SNX29: variants seen among roughly 807,000 people sequenced by gnomAD.
SNX29 encodes sorting nexin 29, also known as sorting nexin-29.
SNX29 carries 78 observed loss-of-function variants against 102.1 expected under a neutral mutation model. The observed-to-expected ratio is 0.76, with a 90% CI of 0.64 to 0.92. The LOEUF (loss-of-function observed/expected upper bound fraction) is 0.92. Ranked by LOEUF, SNX29 falls within the 40% of genes least tolerant of loss-of-function variation. SNX29 has a pLI of 0.00. For missense variants in SNX29, 1,280 were observed against 1,061.7 expected, an observed-to-expected ratio of 1.21 and a Z score of -2.86; for synonymous variants, 580 against 414.5, an observed-to-expected ratio of 1.40 and a Z score of -4.85.
intron 20 of SNX29, among the ~76,000 whole-genome samples, chr16:12,536,900 C>CG (rs2077101097): frequency 6.6e-6 from 1 of 152,038 alleles, no homozygotes; most frequent in African/African-American, 2.4e-5. Context: ...CGCTTGAGCC[C>CG]GGGAGGTGGA....
intron 18 of SNX29, among the ~76,000 whole-genome samples, chr16:12,440,871 T>A (rs556128908): frequency 6.6e-6 from 1 of 152,332 alleles, no homozygotes; most frequent in East Asian, 1.9e-4. Context: ...TCCACGTCTT[T>A]GCTATTGTGA....
intron 3 of SNX29, among the ~76,000 whole-genome samples, chr16:12,010,907 T>A (rs914993516): frequency 1.3e-5 from 2 of 152,190 alleles, no homozygotes; most frequent in Non-Finnish European, 2.9e-5. Context: ...CGAAACGGAA[T>A]GGCTTTTTCA....
intron 13 of SNX29, among the ~76,000 whole-genome samples, chr16:12,182,110 C>T (rs891290676): frequency 1.3e-5 from 2 of 151,000 alleles, no homozygotes; most frequent in Non-Finnish European, 2.9e-5. Context: ...TGGTCTTGAA[C>T]TCCTGACCTC....
chr16:12,321,502 T>C (rs2080929303), intron 15 of SNX29, among the ~76,000 whole-genome samples: 1 of 152,166 alleles, frequency 6.6e-6, no homozygotes, highest in Non-Finnish European at 1.5e-5. Context: ...CATAGCTATT[T>C]CTTTCTTCCG....
intron 7 of SNX29, among the ~76,000 whole-genome samples, chr16:12,050,636 G>A (rs758280493): frequency 3.0e-4 from 46 of 152,188 alleles, no homozygotes; most frequent in Non-Finnish European, 4.4e-4. Context: ...TGGGGTCAGG[G>A]CCACTGTCCA....
intron 14 of SNX29, among the ~76,000 whole-genome samples, chr16:12,263,003 A>C (rs2078824470): frequency 6.6e-6 from 1 of 152,196 alleles, no homozygotes; most frequent in African/African-American, 2.4e-5. Flanking sequence ...GCAGAATGGG[A>C]AGCCAGATGA....
intron 13 of SNX29, among the ~76,000 whole-genome samples, chr16:12,188,715 G>C (rs974430581): frequency 2.6e-5 from 4 of 152,094 alleles, no homozygotes; most frequent in Non-Finnish European, 5.9e-5. Flanking sequence ...ACGGGGGAGA[G>C]AGCACTAAAA....
rs182035263 is a variant in SNX29, at chr16:12,494,581, A to G, written c.2178+16722A>G. ...AAGTGTCCTGGCAGTACAGGGCCCA[A>G]TCTCACTTGCTGAGGAGCCCATCTT... On this transcript the variant is annotated intron_variant, in intron 19 of 20. Coordinates refer to ENST00000566228, the MANE Select transcript of SNX29 (RefSeq NM_032167.5). 4.6e-3 allele frequency among the ~76,000 whole-genome samples: 699 copies of G among 152,256 alleles called. 4 individuals carry two copies. Among genetic ancestry groups the G allele is most frequent in the Non-Finnish European group, 5.8e-3 (395 of 68,010 alleles).
intron 14 of SNX29, among the ~76,000 whole-genome samples, chr16:12,258,407 G>A (rs1217279067): frequency 6.6e-6 from 1 of 152,140 alleles, no homozygotes; most frequent in Non-Finnish European, 1.5e-5. Context: ...CTTCGAGTCA[G>A]TCAGTTCTCT....
chr16:12,224,173 T>C (rs1191863265), intron 14 of SNX29, among the ~76,000 whole-genome samples: 2 of 152,182 alleles, frequency 1.3e-5, no homozygotes, highest in African/African-American at 2.4e-5. Flanking sequence ...AGTAGGTTAT[T>C]GGGGCACCTG....
intron 15 of SNX29, among the ~76,000 whole-genome samples, chr16:12,337,127 A>G (rs1343327108): frequency 6.6e-6 from 1 of 152,188 alleles, no homozygotes; most frequent in Non-Finnish European, 1.5e-5. Flanking sequence ...GTTTGCATAA[A>G]GCATGTCACC....
chr16:12,049,604 A>T (rs189111325), intron 7 of SNX29, among the ~76,000 whole-genome samples: 75 of 152,250 alleles, frequency 4.9e-4, no homozygotes, highest in African/African-American at 1.7e-3. Context: ...AAGTGCTAGG[A>T]TTACAGGCGT....
intron 19 of SNX29, among the ~76,000 whole-genome samples, chr16:12,495,018 C>A (rs932116012): frequency 6.6e-6 from 1 of 152,190 alleles, no homozygotes; most frequent in African/African-American, 2.4e-5. Flanking sequence ...AGCATCCCTG[C>A]CTCACCTCAT....
Position 12,403,554 on chromosome 16 carries a change from C to T in SNX29, c.2037+25C>T, listed in dbSNP as rs765864737. The T allele has an allele frequency of 5.7e-6, 9 of 1,585,240 alleles. No individual in the cohort carries two copies. The East Asian group carries it at 1.8e-4, about 32-fold the overall frequency. ...GGTGAGTGCCTGGTTTTCAGGTGGA[C>T]ATCACAGCTGGGTGGAAAAACGCCC... On this transcript the variant is annotated intron_variant, in intron 18 of 20. Transcript: ENST00000566228.
At position 12,570,698 on chromosome 16, in the gene SNX29, C is replaced by T. The variant is rs1300052557; in HGVS notation, c.*2069C>T. On this transcript the variant is annotated 3_prime_UTR_variant, in exon 21 of 21. Coordinates refer to ENST00000566228, the MANE Select transcript of SNX29 (RefSeq NM_032167.5). ...ACCTGCACCTTTTCTGACACCTGCCCCCAAAGCACAGGATGTGAATTGGTC... is the reference window on the plus strand; with the variant it reads ...ACCTGCACCTTTTCTGACACCTGCCTCCAAAGCACAGGATGTGAATTGGTC... 8.6e-6 allele frequency: 2 copies of T among 232,050 alleles called. No individual in the cohort carries two copies. The highest frequency in any genetic ancestry group is 4.4e-5 in the African/African-American group (2 of 45,260). 14.4% of individuals were successfully genotyped at this position (232,050 alleles called of 1,614,324 possible).
At chr16:12,451,424 C>T (rs994412126) in intron 18 of SNX29, among the ~76,000 whole-genome samples, 1 of 152,188 alleles carries the variant, frequency 6.6e-6, no homozygotes, top group African/African-American at 2.4e-5. Flanking sequence ...CCTCTTGTCC[C>T]CAACCATTTA....
intron 11 of SNX29, among the ~76,000 whole-genome samples, chr16:12,116,540 G>C (rs1315688576): frequency 6.6e-6 from 1 of 152,130 alleles, no homozygotes; most frequent in Non-Finnish European, 1.5e-5. Context: ...CGGGTGTGGT[G>C]GCGGGCACTT....
At chr16:12,175,813 C>T (rs1242752072) in intron 13 of SNX29, among the ~76,000 whole-genome samples, 1 of 151,830 alleles carries the variant, frequency 6.6e-6, no homozygotes, top group African/African-American at 2.4e-5. Flanking sequence ...TTGAGACTAG[C>T]TTGGGACACA....
At chr16:12,091,775 CAAA>C (rs71408236) in intron 11 of SNX29, among the ~76,000 whole-genome samples, 9 of 93,958 alleles carry the variant, frequency 9.6e-5, no homozygotes, top group Non-Finnish European at 1.3e-4. Flanking sequence ...AGATCCTTCT[CAAA>C]AAAAAAAAAA....
Sources: gnomAD v4.1 joint callset for allele counts (sites outside exome capture counted in the v4.1 genomes callset) on GRCh38, gnomAD v4.1.1 for gene constraint, MANE v1.5 for transcripts, NCBI Gene and HGNC (gene_info 2026-07-23, HGNC 2026-07-21) for gene names.